Variants in TSHZ2 observed in about 807,000 individuals in gnomAD.
TSHZ2 encodes teashirt homolog 2.
TSHZ2 carries 21 observed loss-of-function variants against 74.4 expected under a neutral mutation model. That is an observed-to-expected ratio of 0.28 (90% CI 0.20 to 0.41). The LOEUF is 0.41. Among genes scored for constraint, TSHZ2 ranks in the 10% least tolerant of loss-of-function variants. TSHZ2 has a pLI of 1.00. For missense variants in TSHZ2, 1,244 were observed against 1,293.5 expected, an observed-to-expected ratio of 0.96 and a Z score of 0.59; for synonymous variants, 540 against 515.3, an observed-to-expected ratio of 1.05 and a Z score of -0.65.
At chr20:53,347,617 G>A (rs413066) in intron 2 of TSHZ2, among the ~76,000 whole-genome samples, 2 of 151,982 alleles carry the variant, frequency 1.3e-5, no homozygotes, top group African/African-American at 4.8e-5. Flanking sequence ...AGGCTGAGAT[G>A]TTGTCCATCT....
chr20:53,117,526 T>A (rs924406946), intron 1 of TSHZ2, among the ~76,000 whole-genome samples: 3 of 152,108 alleles, frequency 2.0e-5, no homozygotes, highest in Non-Finnish European at 4.4e-5. Flanking sequence ...CTAAGTGCCA[T>A]TGTGCACATA....
At chr20:53,348,469 C>G (rs1249236308) in intron 2 of TSHZ2, among the ~76,000 whole-genome samples, 1 of 151,728 alleles carries the variant, frequency 6.6e-6, no homozygotes, top group Non-Finnish European at 1.5e-5. Context: ...TAGTCAAGAA[C>G]CATGGATAAC....
intron 1 of TSHZ2, among the ~76,000 whole-genome samples, chr20:53,015,139 G>A (rs1280260346): frequency 6.6e-6 from 1 of 152,082 alleles, no homozygotes; most frequent in Non-Finnish European, 1.5e-5. Flanking sequence ...CCATGGCCTG[G>A]CTTCTCCTCA....
chr20:53,385,457 G>A (rs1395618987), intron 2 of TSHZ2, among the ~76,000 whole-genome samples: 3 of 152,152 alleles, frequency 2.0e-5, no homozygotes, highest in African/African-American at 4.8e-5. Flanking sequence ...GCCTCCCTCG[G>A]TGTAGGAAAC....
chr20:53,189,728 A>G (rs1349610411), intron 1 of TSHZ2, among the ~76,000 whole-genome samples: 1 of 152,124 alleles, frequency 6.6e-6, no homozygotes, highest in East Asian at 1.9e-4. Flanking sequence ...AAATATTTAT[A>G]GAATAAATGA....
chr20:53,127,557 A>G (rs1475603390), intron 1 of TSHZ2, among the ~76,000 whole-genome samples: 1 of 152,160 alleles, frequency 6.6e-6, no homozygotes, highest in African/African-American at 2.4e-5. Context: ...ACTTTTTTTA[A>G]TAGAAAGAAT....
At chr20:53,385,792 C>A (rs1360597517) in intron 2 of TSHZ2, among the ~76,000 whole-genome samples, 1 of 152,098 alleles carries the variant, frequency 6.6e-6, no homozygotes, top group Non-Finnish European at 1.5e-5. Flanking sequence ...AAAGCCCAGG[C>A]CCTGCCTAAG....
intron 1 of TSHZ2, among the ~76,000 whole-genome samples, chr20:53,065,299 GCT>G (rs941492823): frequency 6.6e-6 from 1 of 152,116 alleles, no homozygotes; most frequent in African/African-American, 2.4e-5. Context: ...TTACTTGTAT[GCT>G]CTGAGACTTT....
At chr20:53,095,128 G>T (rs1482092760) in intron 1 of TSHZ2, among the ~76,000 whole-genome samples, 1 of 152,164 alleles carries the variant, frequency 6.6e-6, no homozygotes, top group Non-Finnish European at 1.5e-5. Flanking sequence ...CTGGCTTCAG[G>T]TACTGCTGGT....
intron 1 of TSHZ2, among the ~76,000 whole-genome samples, chr20:53,094,711 A>G (rs942277687): frequency 2.6e-5 from 4 of 152,210 alleles, no homozygotes; most frequent in Admixed American, 1.3e-4. Context: ...CAAAAATGCT[A>G]CTATGCCCCC....
chr20:53,087,159 G>A (rs1230381278), intron 1 of TSHZ2, among the ~76,000 whole-genome samples: 2 of 152,202 alleles, frequency 1.3e-5, no homozygotes, highest in African/African-American at 2.4e-5. Context: ...GCAACAGCCT[G>A]TCATGAATGG....
intron 2 of TSHZ2, among the ~76,000 whole-genome samples, chr20:53,459,001 A>G (rs896981060): frequency 6.6e-6 from 1 of 151,934 alleles, no homozygotes; most frequent in African/African-American, 2.4e-5. Context: ...TCAATTTTGG[A>G]ATAGGTGTGG....
At chr20:53,303,506 C>T (rs532609067) in intron 2 of TSHZ2, among the ~76,000 whole-genome samples, 7 of 152,144 alleles carry the variant, frequency 4.6e-5, no homozygotes, top group Admixed American at 1.3e-4. Context: ...TCACAGACAG[C>T]GATTACATGA....
intron 2 of TSHZ2, among the ~76,000 whole-genome samples, chr20:53,298,336 C>A (rs946705250): frequency 6.6e-6 from 1 of 152,162 alleles, no homozygotes; most frequent in South Asian, 2.1e-4. Flanking sequence ...TGAAAGGATA[C>A]AAACCATCGC....
chr20:53,253,149 G>C (rs1033826127), intron 1 of TSHZ2, among the ~76,000 whole-genome samples: 12 of 151,762 alleles, frequency 7.9e-5, no homozygotes, highest in African/African-American at 2.4e-4. Flanking sequence ...GACTTTAATG[G>C]GATATGAATT....
At chr20:53,043,964 G>T (rs1984136910) in intron 1 of TSHZ2, among the ~76,000 whole-genome samples, 1 of 152,186 alleles carries the variant, frequency 6.6e-6, no homozygotes. Flanking sequence ...CTTTAATTGG[G>T]ATAAGAGGTA....
At chr20:52,978,005 T>G (rs931944075) in intron 1 of TSHZ2, among the ~76,000 whole-genome samples, 1 of 152,226 alleles carries the variant, frequency 6.6e-6, no homozygotes, top group African/African-American at 2.4e-5. Context: ...ACTTTGGGAA[T>G]GCTTAACACC....
intron 1 of TSHZ2, among the ~76,000 whole-genome samples, chr20:52,987,478 C>T (rs1981815552): frequency 6.6e-6 from 1 of 151,532 alleles, no homozygotes; most frequent in South Asian, 2.1e-4. Context: ...CTCTTTCTCT[C>T]TCCTCTCTCT....
intron 1 of TSHZ2, among the ~76,000 whole-genome samples, chr20:53,095,765 C>A (rs927658437): frequency 6.6e-6 from 1 of 152,068 alleles, no homozygotes; most frequent in Admixed American, 6.6e-5. Flanking sequence ...CTCCTTCTTA[C>A]CCCCCACCCC....
Sources: allele counts gnomAD v4.1 joint callset (sites outside exome capture counted in the v4.1 genomes callset), GRCh38; gene constraint gnomAD v4.1.1; transcripts MANE v1.5; gene names NCBI Gene and HGNC (gene_info 2026-07-23, HGNC 2026-07-21).